GABBR2: variants seen among roughly 807,000 people sequenced by gnomAD.
GABBR2 encodes the protein gamma-aminobutyric acid type B receptor subunit 2, also known as G-protein coupled receptor 51.
GABBR2 carries 23 observed loss-of-function variants against 105.6 expected under a neutral mutation model. The observed-to-expected ratio is 0.22, with a 90% CI of 0.16 to 0.31. The LOEUF (loss-of-function observed/expected upper bound fraction) is 0.31. GABBR2 is among the 10% of genes least tolerant of loss of function. The pLI, the probability that GABBR2 is intolerant of heterozygous loss-of-function variation, is 1.00. For missense variants in GABBR2, 734 were observed against 1,245.5 expected (o/e 0.59, Z 6.18); for synonymous variants, 478 against 499.7 (o/e 0.96, Z 0.58).
chr9:98,421,002 C>A (rs75297712), intron 7 of GABBR2, among the ~76,000 whole-genome samples: 4,610 of 152,242 alleles, frequency 0.03, 131 homozygotes, highest in East Asian at 0.15. Context: ...TAGAAAGCCA[C>A]ACTAAGAGGA....
intron 4 of GABBR2, among the ~76,000 whole-genome samples, chr9:98,485,958 C>A (rs770966658): frequency 6.6e-6 from 1 of 152,148 alleles, no homozygotes; most frequent in Non-Finnish European, 1.5e-5. Context: ...CTCCGGCCCC[C>A]CTGCTGAAAG....
In GABBR2 at chr9:98,360,947, G is replaced by A. The variant is rs747336179; in HGVS notation, c.1893+1768C>T. On this transcript the variant is annotated intron_variant, in intron 13 of 18. Transcript: ENST00000259455. ...GCTCCACACTGAGCCACTGTGCCTC[G>A]TTCTGTCCACCTGGTCCAGCTCCAG... Among the ~76,000 whole-genome samples, 8 of 152,126 alleles carry A rather than the reference G, an allele frequency of 5.3e-5. No individual in the cohort carries two copies. The South Asian group carries it at 6.2e-4, about 12-fold the overall frequency.
chr9:98,682,259 A>C lies in GABBR2; in HGVS notation c.321+26158T>G, dbSNP rs534589620. Among the ~76,000 whole-genome samples the C allele has an allele frequency of 3.3e-5, 5 of 151,054 alleles. No individual in the cohort carries two copies. The South Asian group carries it at 6.3e-4, about 19-fold the overall frequency. On this transcript the variant is annotated intron_variant, in intron 1 of 18. Coordinates refer to ENST00000259455, the MANE Select transcript of GABBR2 (RefSeq NM_005458.8). ...AAAAAAACAAAACAAAAAAAAACCC[A>C]AAACAAACAAAAAACCGTATATTGA...
intron 13 of GABBR2, among the ~76,000 whole-genome samples, chr9:98,331,396 CTTTTTTT>C (rs142735341): frequency 1.3e-5 from 1 of 75,990 alleles, no homozygotes; most frequent in Non-Finnish European, 2.4e-5. Flanking sequence ...AGTCCCTCTT[CTTTTTTT>C]TTTTTTTTTT....
At chr9:98,595,283 C>T (rs951926918) in intron 1 of GABBR2, among the ~76,000 whole-genome samples, 5 of 151,880 alleles carry the variant, frequency 3.3e-5, no homozygotes, top group Admixed American at 1.3e-4. Flanking sequence ...TTCATGAGGG[C>T]TCCACCCTCG....
chr9:98,606,794 T>A (rs1050609708), intron 1 of GABBR2: 1 of 320,928 alleles, frequency 3.1e-6, no homozygotes, highest in Non-Finnish European at 6.0e-6. Flanking sequence ...ATCATTTTTT[T>A]ATGATAACTT....
At chr9:98,559,164 C>T (rs139667514) in intron 2 of GABBR2, among the ~76,000 whole-genome samples, 1 of 152,156 alleles carries the variant, frequency 6.6e-6, no homozygotes, top group Admixed American at 6.5e-5. Context: ...GGGTCTCACT[C>T]TGTTGCCCAG....
intron 13 of GABBR2, among the ~76,000 whole-genome samples, chr9:98,362,241 G>A (rs1435755088): frequency 6.6e-6 from 1 of 152,192 alleles, no homozygotes; most frequent in South Asian, 2.1e-4. Flanking sequence ...ATATTTAACA[G>A]TACTTTTATG....
At position 98,322,623 on chromosome 9, in the gene GABBR2, G is replaced by A. The variant is rs149777177; in HGVS notation, c.1894-11418C>T. Among the ~76,000 whole-genome samples, 171 of 140,388 alleles carry A rather than the reference G, an allele frequency of 1.2e-3. 3 individuals carry two copies. In the East Asian group the frequency reaches 0.025, roughly 20 times the overall value. 92.1% of individuals were successfully genotyped at this position (140,388 alleles called of 152,430 possible). Reference sequence around the variant, plus strand: ...GATCTGACCCCCCCATACCCGTCCAGCCTTGTTCCCCATCCCCCAGTCTCA... The same window carrying A: ...GATCTGACCCCCCCATACCCGTCCAACCTTGTTCCCCATCCCCCAGTCTCA... On this transcript the variant is annotated intron_variant, in intron 13 of 18. Coordinates refer to ENST00000259455, the MANE Select transcript of GABBR2 (RefSeq NM_005458.8).
At chr9:98,356,159 G>A (rs1831480105) in intron 13 of GABBR2, among the ~76,000 whole-genome samples, 1 of 152,098 alleles carries the variant, frequency 6.6e-6, no homozygotes, top group African/African-American at 2.4e-5. Flanking sequence ...TACATCAAAA[G>A]TATGATCCAT....
chr9:98,443,983 T>C (rs1473393497), intron 7 of GABBR2, among the ~76,000 whole-genome samples: 1 of 152,240 alleles, frequency 6.6e-6, no homozygotes, highest in Non-Finnish European at 1.5e-5. Context: ...GTTGAATTAA[T>C]TGGATACCTA....
At chr9:98,334,295 G>A (rs893548279) in intron 13 of GABBR2, among the ~76,000 whole-genome samples, 1 of 152,208 alleles carries the variant, frequency 6.6e-6, no homozygotes, top group African/African-American at 2.4e-5. Context: ...AAGCATCAAT[G>A]AAGAAAAAGA....
At chr9:98,544,047 T>C (rs566675213) in intron 2 of GABBR2, among the ~76,000 whole-genome samples, 31 of 152,072 alleles carry the variant, frequency 2.0e-4, no homozygotes, top group African/African-American at 7.0e-4. Flanking sequence ...CTTCTCTTCT[T>C]TTGTTTCATT....
chr9:98,629,077 G>C (rs1294619612), intron 1 of GABBR2, among the ~76,000 whole-genome samples: 1 of 151,980 alleles, frequency 6.6e-6, no homozygotes, highest in Admixed American at 6.5e-5. Flanking sequence ...AACCATTCTG[G>C]GTAACGAAAG....
intron 7 of GABBR2, among the ~76,000 whole-genome samples, chr9:98,428,314 CAAG>C (rs1306224834): frequency 2.0e-5 from 3 of 152,218 alleles, no homozygotes; most frequent in East Asian, 1.9e-4. Context: ...AAGTGGGAGA[CAAG>C]AAGGAGAAGC....
intron 13 of GABBR2, among the ~76,000 whole-genome samples, chr9:98,337,236 C>T (rs1345375976): frequency 6.6e-6 from 1 of 152,092 alleles, no homozygotes; most frequent in African/African-American, 2.4e-5. Flanking sequence ...ACCCGGGAGG[C>T]GGAGGTTGCA....
At chr9:98,352,995 C>A (rs1255931726) in intron 13 of GABBR2, among the ~76,000 whole-genome samples, 1 of 152,024 alleles carries the variant, frequency 6.6e-6, no homozygotes, top group Non-Finnish European at 1.5e-5. Flanking sequence ...GATGCAGCAG[C>A]TTGGGTTTTA....
At chr9:98,335,102 C>A (rs1831090117) in intron 13 of GABBR2, among the ~76,000 whole-genome samples, 1 of 152,186 alleles carries the variant, frequency 6.6e-6, no homozygotes, top group African/African-American at 2.4e-5. Flanking sequence ...AACAATGCTG[C>A]AGAAATAGAA....
intron 6 of GABBR2, among the ~76,000 whole-genome samples, chr9:98,461,773 GCAT>G (rs1352384940): frequency 6.6e-6 from 1 of 152,166 alleles, no homozygotes; most frequent in Non-Finnish European, 1.5e-5. Context: ...CGTGGTGCTG[GCAT>G]CTGCTTCTGG....
Sources: gnomAD v4.1 joint callset for allele counts (sites outside exome capture counted in the v4.1 genomes callset) on GRCh38, gnomAD v4.1.1 for gene constraint, MANE v1.5 for transcripts, NCBI Gene and HGNC (gene_info 2026-07-23, HGNC 2026-07-21) for gene names.